TDRD9: variants seen among roughly 807,000 people sequenced by gnomAD.
TDRD9 encodes ATP-dependent RNA helicase TDRD9.
A neutral mutation model predicts 172.6 loss-of-function variants in TDRD9; 124 were observed. That is an observed-to-expected ratio of 0.72 (90% confidence interval 0.62 to 0.83). The LOEUF is 0.83. Among genes scored for constraint, TDRD9 ranks in the 40% least tolerant of loss-of-function variants. TDRD9 has a pLI of 0.00. For missense variants in TDRD9, 1,479 were observed against 1,714.1 expected, an observed-to-expected ratio of 0.86 and a Z score of 2.42; for synonymous variants, 619 against 617.1, an observed-to-expected ratio of 1.00 and a Z score of -0.05.
At chr14:104,029,789 A>G (rs1361069901) in intron 28 of TDRD9, among the ~76,000 whole-genome samples, 1 of 152,136 alleles carries the variant, frequency 6.6e-6, no homozygotes, top group Non-Finnish European at 1.5e-5. Context: ...TCCCCTCTTC[A>G]GTATGGTGTT....
intron 1 of TDRD9, among the ~76,000 whole-genome samples, chr14:103,952,224 T>A (rs866647290): frequency 0.018 from 262 of 14,926 alleles, 1 homozygote; most frequent in East Asian, 0.031. Context: ...ATATATATTT[T>A]TTTTTTTTTT....
At chr14:104,041,831 G>A (rs900212732) in intron 33 of TDRD9, among the ~76,000 whole-genome samples, 8 of 152,162 alleles carry the variant, frequency 5.3e-5, no homozygotes, top group African/African-American at 1.9e-4. Context: ...CCCATCTGTA[G>A]GTATTTATTC....
intron 1 of TDRD9, chr14:103,940,866 G>C: frequency 1.3e-6 from 2 of 1,535,332 alleles, no homozygotes; most frequent in African/African-American, 1.4e-5. Context: ...CTGGGAACCT[G>C]TCCTTTGTGT....
intron 13 of TDRD9, among the ~76,000 whole-genome samples, chr14:104,002,293 G>A (rs111907699): frequency 0.021 from 3,138 of 150,506 alleles, 56 homozygotes; most frequent in East Asian, 0.045. Flanking sequence ...ACTCCAGCCT[G>A]GGTGACAGAG....
chr14:104,032,805 T>C (rs2035326162), intron 30 of TDRD9, among the ~76,000 whole-genome samples: 1 of 151,974 alleles, frequency 6.6e-6, no homozygotes, highest in Non-Finnish European at 1.5e-5. Context: ...GTAACTACAA[T>C]ATAGGGTGAT....
intron 1 of TDRD9, among the ~76,000 whole-genome samples, chr14:103,953,958 T>C (rs1387836410): frequency 6.6e-6 from 1 of 152,186 alleles, no homozygotes; most frequent in East Asian, 1.9e-4. Context: ...AAAAATGTTT[T>C]ACCAGCTATC....
Position 103,962,965 on chromosome 14 carries a change from A to AGTGTGTGTGT in TDRD9, c.323-95_323-86dup, listed in dbSNP as rs55873775. On this transcript the variant is annotated intron_variant, in intron 2 of 35. Coordinates refer to ENST00000409874, the MANE Select transcript of TDRD9 (RefSeq NM_153046.3). Reference sequence around the variant, plus strand: ...TGTAGAAAATGTATTTTTGTATTTGAGTGTGTGTGTGTGTGTGTGTGTGTG... The same window carrying AGTGTGTGTGT: ...TGTAGAAAATGTATTTTTGTATTTGAGTGTGTGTGTGTGTGTGTGTGTGTGTGTGTGTGTG... The AGTGTGTGTGT allele has an allele frequency of 1.0e-3, 415 of 404,730 alleles. 1 individual carries two copies. The highest frequency in any genetic ancestry group is 6.2e-3 in the African/African-American group (295 of 47,336). 25.1% of individuals were successfully genotyped at this position (404,730 alleles called of 1,614,324 possible). A position where few individuals can be genotyped will look rare whatever the true frequency, so the allele number is the denominator to read the frequency against.
chr14:103,952,234 T>TTA (rs2031960443), intron 1 of TDRD9, among the ~76,000 whole-genome samples: 1 of 38,026 alleles, frequency 2.6e-5, no homozygotes, highest in Non-Finnish European at 5.0e-5. Flanking sequence ...TTTTTTTTTT[T>TTA]TTTTTTTTTT....
At chr14:103,958,649 A>G (rs1467262100) in intron 2 of TDRD9, among the ~76,000 whole-genome samples, 1 of 152,228 alleles carries the variant, frequency 6.6e-6, no homozygotes, top group Non-Finnish European at 1.5e-5. Context: ...GATACAAGGA[A>G]GAGGCCATGA....
chr14:104,052,005 C>G lies in TDRD9; in HGVS notation c.4072C>G (p.Gln1358Glu), dbSNP rs1421668695. The change falls in exon 36 of 36, where the codon CAG (glutamine) becomes GAG (glutamate). Residue 1358 changes from glutamine (Q) to glutamate (E), a missense_variant. Coordinates refer to ENST00000409874, the MANE Select transcript of TDRD9 (RefSeq NM_153046.3). Reference sequence around the variant, plus strand: ...GGTTGATCCAAAGCTGGTCATGGAGCAGGCCGACCGTGAGAGCAGCAGAGG... The same window carrying G: ...GGTTGATCCAAAGCTGGTCATGGAGGAGGCCGACCGTGAGAGCAGCAGAGG... ...NQVDPKLVME[Q>E]ADRESSRGKN... 1.9e-6 allele frequency: 3 copies of G among 1,596,208 alleles called. No individual in the cohort carries two copies. Among genetic ancestry groups the G allele is most frequent in the Non-Finnish European group, 1.7e-6 (2 of 1,171,100 alleles).
At chr14:103,986,370 A>C in intron 8 of TDRD9, 50 bp downstream of exon 8, 2 of 1,333,938 alleles carry the variant, frequency 1.5e-6, no homozygotes, top group Non-Finnish European at 2.1e-6. Flanking sequence ...TGTGATTTAA[A>C]AAATTATTCA....
chr14:103,991,402 T>TC (rs1249926208), intron 9 of TDRD9, among the ~76,000 whole-genome samples, 178 bp downstream of exon 9: 1 of 149,200 alleles, frequency 6.7e-6, no homozygotes, highest in Non-Finnish European at 1.5e-5. Context: ...CTTGCATTTC[T>TC]TTTTTTTTTC....
chr14:104,038,612 T>C (rs1269037596), intron 32 of TDRD9, among the ~76,000 whole-genome samples: 4 of 152,262 alleles, frequency 2.6e-5, no homozygotes, highest in Non-Finnish European at 4.4e-5. Flanking sequence ...CTAGTTTGGG[T>C]GTCCTCAGCA....
chr14:103,956,007 G>T (rs1394653197), intron 2 of TDRD9, among the ~76,000 whole-genome samples: 1 of 144,796 alleles, frequency 6.9e-6, no homozygotes. Context: ...CTACTCGGGA[G>T]GCTGAGGTGA....
At chr14:104,028,097 G>A (rs1478343242) in intron 28 of TDRD9, among the ~76,000 whole-genome samples, 1 of 152,064 alleles carries the variant, frequency 6.6e-6, no homozygotes, top group Non-Finnish European at 1.5e-5. Flanking sequence ...TTCATCTGTT[G>A]ACGGACACCT....
In TDRD9 at chr14:104,035,115, C is replaced by G. The variant is rs1357612707; in HGVS notation, c.3716+59C>G. 5.1e-6 allele frequency: 7 copies of G among 1,367,312 alleles called. No homozygotes were observed. The East Asian group carries it at 1.8e-4, about 34-fold the overall frequency. 84.7% of individuals were successfully genotyped at this position (1,367,312 alleles called of 1,614,324 possible). On this transcript the variant is annotated intron_variant, in intron 32 of 35. Coordinates refer to ENST00000409874, the MANE Select transcript of TDRD9 (RefSeq NM_153046.3). ...AAATAAGAACCTGGGCGGGAAAAAACGGGTGCCTCTCCTTGCTCCTTTTGG... is the reference window on the plus strand; with the variant it reads ...AAATAAGAACCTGGGCGGGAAAAAAGGGGTGCCTCTCCTTGCTCCTTTTGG...
intron 7 of TDRD9, among the ~76,000 whole-genome samples, chr14:103,977,525 T>TAAAAAA (rs1333737292): frequency 6.3e-5 from 8 of 127,920 alleles, no homozygotes; most frequent in African/African-American, 2.4e-4. Flanking sequence ...AAAAAAAAAT[T>TAAAAAA]GGATTGTTTT....
In TDRD9 at chr14:103,966,791, C is replaced by T. The variant is rs2032769472; in HGVS notation, c.725C>T (p.Ala242Val). Reference sequence around the variant, plus strand: ...GTCCTGCTTCAGAAAATAGTTAGTGCCAAGAGTTTGATGGAATTCACACAT... The same window carrying T: ...GTCCTGCTTCAGAAAATAGTTAGTGTCAAGAGTTTGATGGAATTCACACAT... Reference protein sequence around the residue: ...TGVLLQKIVSAKSLMEFTHII... With the variant: ...TGVLLQKIVSVKSLMEFTHII... The change falls in exon 5 of 36, where the codon GCC becomes GTC. Residue 242 changes from alanine to valine, a missense_variant. Around this residue, in one of 3 missense-constraint regions of TDRD9, gnomAD observed 1,413 missense variants for 1,649.1 expected, o/e 0.86. Coordinates refer to ENST00000409874, the MANE Select transcript of TDRD9 (RefSeq NM_153046.3). The T allele has an allele frequency of 5.8e-6, 9 of 1,550,624 alleles. No individual in the cohort carries two copies. In the East Asian group the frequency reaches 1.7e-4, roughly 30 times the overall value.
chr14:104,027,868 G>C (rs7155057), intron 28 of TDRD9, among the ~76,000 whole-genome samples: 143,788 of 152,262 alleles, frequency 0.94, 68,435 homozygotes, highest in East Asian at 1. Context: ...CTTACCCAGC[G>C]TCTAATACCC....
Sources: gnomAD v4.1 joint callset for allele counts (sites outside exome capture counted in the v4.1 genomes callset) on GRCh38, gnomAD v4.1.1 for gene constraint, gnomAD v4.1.1 regional missense constraint, MANE v1.5 for transcripts, NCBI Gene and HGNC (gene_info 2026-07-23, HGNC 2026-07-21) for gene names.